CNTN5: variants seen among roughly 807,000 people sequenced by gnomAD.
The protein encoded by CNTN5 is contactin-5.
Under a neutral mutation model 129.1 loss-of-function variants are expected in CNTN5, and 77 were observed. That is an observed-to-expected ratio of 0.60 (90% CI 0.50 to 0.72). CNTN5 has a LOEUF of 0.72. Ranked by LOEUF, CNTN5 falls within the 30% of genes least tolerant of loss-of-function variation. The pLI, the probability that CNTN5 is intolerant of heterozygous loss-of-function variation, is 0.00. For missense variants in CNTN5, 1,478 were observed against 1,328.8 expected (o/e 1.11, Z -1.75); for synonymous variants, 509 against 465.6 (o/e 1.09, Z -1.20).
intron 4 of CNTN5, among the ~76,000 whole-genome samples, chr11:99,827,572 C>T (rs1274202174): frequency 6.6e-6 from 1 of 152,120 alleles, no homozygotes; most frequent in Non-Finnish European, 1.5e-5. Flanking sequence ...CCAGAAGAAA[C>T]ATGAGCAGCA....
intron 13 of CNTN5, among the ~76,000 whole-genome samples, chr11:100,140,474 G>A (rs1946659944): frequency 6.6e-6 from 1 of 152,142 alleles, no homozygotes. Context: ...ATGAATTGTT[G>A]GTCTTGATGA....
intron 1 of CNTN5, among the ~76,000 whole-genome samples, chr11:99,110,838 GT>G (rs1857755913): frequency 6.6e-6 from 1 of 152,112 alleles, no homozygotes; most frequent in Non-Finnish European, 1.5e-5. Flanking sequence ...ATGATATGAT[GT>G]GAAACAGAGT....
At chr11:99,861,805 G>T (rs1948215854) in intron 6 of CNTN5, among the ~76,000 whole-genome samples, 1 of 152,108 alleles carries the variant, frequency 6.6e-6, no homozygotes, top group Admixed American at 6.5e-5. Context: ...CTTACCTTTA[G>T]AAATTAGGGA....
At chr11:99,334,653 A>G (rs556325873) in intron 2 of CNTN5, among the ~76,000 whole-genome samples, 1 of 152,192 alleles carries the variant, frequency 6.6e-6, no homozygotes, top group Admixed American at 6.6e-5. Context: ...TGGCTATTGA[A>G]TCCTTGTAAT....
At chr11:99,472,520 T>C (rs964690613) in intron 2 of CNTN5, among the ~76,000 whole-genome samples, 1 of 152,246 alleles carries the variant, frequency 6.6e-6, no homozygotes, top group African/African-American at 2.4e-5. Context: ...TTTTTCTGTC[T>C]GTTTGTTCAA....
chr11:99,185,995 A>G (rs1858334786), intron 1 of CNTN5, among the ~76,000 whole-genome samples: 1 of 151,472 alleles, frequency 6.6e-6, no homozygotes, highest in African/African-American at 2.4e-5. Context: ...TTTAAAAATA[A>G]CCCATCAAAA....
At chr11:99,536,889 C>G (rs973162633) in intron 2 of CNTN5, among the ~76,000 whole-genome samples, 1 of 147,638 alleles carries the variant, frequency 6.8e-6, no homozygotes, top group Non-Finnish European at 1.5e-5. Context: ...ACAATTAAAA[C>G]GTAATAAATT....
intron 1 of CNTN5, among the ~76,000 whole-genome samples, chr11:99,298,559 C>T (rs538698251): frequency 6.0e-4 from 92 of 152,192 alleles, no homozygotes; most frequent in African/African-American, 2.1e-3. Flanking sequence ...TATAGAAATA[C>T]GGAATCTTTT....
chr11:99,533,490 A>G (rs1418384728), intron 2 of CNTN5, among the ~76,000 whole-genome samples: 1 of 152,202 alleles, frequency 6.6e-6, no homozygotes, highest in African/African-American at 2.4e-5. Context: ...CTGTCATTGA[A>G]TCCAAAGGAG....
chr11:99,868,176 G>A lies in CNTN5; in HGVS notation c.577+22914G>A, dbSNP rs531713217. 6.6e-5 allele frequency among the ~76,000 whole-genome samples: 10 copies of A among 150,992 alleles called. No individual in the cohort carries two copies. In the East Asian group the frequency reaches 7.9e-4, roughly 12 times the overall value. On this transcript the variant is annotated intron_variant, in intron 6 of 24. Coordinates refer to ENST00000524871, the MANE Select transcript of CNTN5 (RefSeq NM_014361.4). ...GGTTGTGATGAGCTGAGAACGTGCCGCTGCACTCCAGCCTGGGCAACAAGA... is the reference window on the plus strand; with the variant it reads ...GGTTGTGATGAGCTGAGAACGTGCCACTGCACTCCAGCCTGGGCAACAAGA...
At chr11:100,149,563 G>T (rs893902899) in intron 13 of CNTN5, among the ~76,000 whole-genome samples, 13 of 152,128 alleles carry the variant, frequency 8.5e-5, no homozygotes, top group African/African-American at 2.9e-4. Context: ...ATATACATTT[G>T]GGTGTAGCAC....
At chr11:99,739,309 G>A (rs1017951944) in intron 3 of CNTN5, among the ~76,000 whole-genome samples, 1 of 152,068 alleles carries the variant, frequency 6.6e-6, no homozygotes, top group Non-Finnish European at 1.5e-5. Flanking sequence ...AGGAAGTGGT[G>A]AAAATGATAG....
chr11:99,926,666 C>T (rs1950069893), intron 7 of CNTN5, among the ~76,000 whole-genome samples: 1 of 151,968 alleles, frequency 6.6e-6, no homozygotes, highest in Middle Eastern at 3.6e-3. Flanking sequence ...ACTTTTATAC[C>T]ACAAACACAA....
At chr11:99,039,998 G>A (rs569742043) in intron 1 of CNTN5, among the ~76,000 whole-genome samples, 4 of 152,214 alleles carry the variant, frequency 2.6e-5, no homozygotes, top group South Asian at 4.1e-4. Context: ...ATGCAGAGAA[G>A]AGATTTACTG....
At chr11:99,120,309 C>T (rs139945625) in intron 1 of CNTN5, 1 of 152,214 alleles carries the variant, frequency 6.6e-6, no homozygotes, top group Non-Finnish European at 1.5e-5. Context: ...TGTGTCCCTA[C>T]TGAACCTGCG....
intron 8 of CNTN5, among the ~76,000 whole-genome samples, chr11:99,986,578 G>A (rs1039754230): frequency 2.6e-5 from 4 of 151,960 alleles, no homozygotes; most frequent in African/African-American, 9.7e-5. Flanking sequence ...CCTCCATCCT[G>A]AATCATTCTC....
At chr11:100,088,225 T>C (rs1944629489) in intron 13 of CNTN5, among the ~76,000 whole-genome samples, 1 of 151,476 alleles carries the variant, frequency 6.6e-6, no homozygotes. Context: ...AAAAAATGGA[T>C]AAATTTCTGA....
intron 2 of CNTN5, among the ~76,000 whole-genome samples, chr11:99,360,035 A>G (rs1464799412): frequency 1.3e-5 from 2 of 152,108 alleles, no homozygotes; most frequent in South Asian, 2.1e-4. Flanking sequence ...TATACCCACT[A>G]CATACTCATA....
intron 7 of CNTN5, among the ~76,000 whole-genome samples, chr11:99,932,262 G>A (rs556789521): frequency 3.7e-4 from 56 of 152,150 alleles, no homozygotes; most frequent in African/African-American, 1.2e-3. Context: ...GGTCGATCTC[G>A]GCTCACTGCA....
Sources: gnomAD v4.1 joint callset for allele counts (sites outside exome capture counted in the v4.1 genomes callset) on GRCh38, gnomAD v4.1.1 for gene constraint, MANE v1.5 for transcripts, NCBI Gene and HGNC (gene_info 2026-07-23, HGNC 2026-07-21) for gene names.